The following ADCY8 variants were observed in gnomAD, a reference collection of about 807,000 sequenced individuals.
ADCY8 encodes the protein adenylate cyclase 8, also known as adenylate cyclase type 8.
Under a neutral mutation model 119.7 loss-of-function variants are expected in ADCY8, and 51 were observed. The ratio of observed to expected loss-of-function variants is 0.43; its 90% CI spans 0.34 to 0.54. The LOEUF (loss-of-function observed/expected upper bound fraction) is 0.54, where lower values mean the gene tolerates loss of function less well. ADCY8 is among the 20% of genes least tolerant of loss of function. The probability of loss-of-function intolerance (pLI) is 0.03; values close to 1 mark genes in which losing one functional copy is unlikely to be tolerated. For missense variants in ADCY8, 1,383 were observed against 1,598.8 expected, an observed-to-expected ratio of 0.87 and a Z score of 2.30; for synonymous variants, 665 against 651.0, an observed-to-expected ratio of 1.02 and a Z score of -0.33.
At chr8:130,918,465 GC>G (rs780872760) in intron 5 of ADCY8, among the ~76,000 whole-genome samples, 1 of 152,134 alleles carries the variant, frequency 6.6e-6, no homozygotes, top group Non-Finnish European at 1.5e-5. Context: ...ATAAAATTCA[GC>G]CCATAGCAGT....
intron 1 of ADCY8, among the ~76,000 whole-genome samples, chr8:131,019,797 TTCTCTCTCTCTCTCTC>T (rs61010907): frequency 9.5e-5 from 10 of 104,910 alleles, no homozygotes; most frequent in African/African-American, 1.9e-4. Context: ...ATGGAACAAA[TTCTCTCTCTCTCTCTC>T]TCTCTCTCTC....
chr8:130,954,261 T>C (rs1221617343), intron 2 of ADCY8, among the ~76,000 whole-genome samples: 5 of 152,036 alleles, frequency 3.3e-5, no homozygotes, highest in African/African-American at 7.2e-5. Context: ...GCACAGGAGA[T>C]AAAAAGGTGG....
chr8:130,990,776 T>C, intron 1 of ADCY8: 1 of 386,542 alleles, frequency 2.6e-6, no homozygotes, highest in Non-Finnish European at 4.5e-6. Flanking sequence ...TCCCCAGGTT[T>C]AGACTGGAGT....
At chr8:130,837,682 T>C (rs2130265657) in intron 11 of ADCY8, among the ~76,000 whole-genome samples, 1 of 152,310 alleles carries the variant, frequency 6.6e-6, no homozygotes, top group Admixed American at 6.5e-5. Flanking sequence ...TCATTCTGGA[T>C]GGTGGGTTCA....
At chr8:131,014,488 C>G (rs1206218587) in intron 1 of ADCY8, among the ~76,000 whole-genome samples, 4 of 152,056 alleles carry the variant, frequency 2.6e-5, no homozygotes, top group African/African-American at 9.7e-5. Flanking sequence ...GATTTAAATC[C>G]TAATTCTGCC....
At position 130,783,780 on chromosome 8, in the gene ADCY8, A is replaced by G; in HGVS notation, c.3179T>C (p.Leu1060Ser). 1 of 1,613,742 alleles carries G rather than the reference A, an allele frequency of 6.2e-7. No homozygotes were observed. The highest frequency in any genetic ancestry group is 8.5e-7 in the Non-Finnish European group (1 of 1,179,796). ...GAGTGAGAAGTCAGCCAGAGCACAC[A>G]AATGTCCCCACTTGTCTTCACATTG... ...KQQCEDKWGH[L>S]CALADFSLAL... The change falls in exon 17 of 18, where the codon TTG (leucine) becomes TCG (serine). Residue 1060 changes from leucine (L) to serine (S), a missense_variant. This residue lies in a region of ADCY8 where 928 missense variants were observed against 1,163.5 expected (regional missense o/e 0.80). Transcript: ENST00000286355.
At chr8:131,023,564 GA>G (rs1275112819) in intron 1 of ADCY8, among the ~76,000 whole-genome samples, 2 of 152,068 alleles carry the variant, frequency 1.3e-5, no homozygotes, top group African/African-American at 4.8e-5. Context: ...AGTCTAGTTT[GA>G]AAAAGGAGCT....
intron 1 of ADCY8, among the ~76,000 whole-genome samples, chr8:131,019,205 A>G (rs899142163): frequency 2.0e-5 from 3 of 152,244 alleles, no homozygotes; most frequent in African/African-American, 7.2e-5. Context: ...TAACTATATC[A>G]GGTCAACAAC....
At chr8:130,887,350 C>T (rs1276955753) in intron 7 of ADCY8, among the ~76,000 whole-genome samples, 6 of 152,108 alleles carry the variant, frequency 3.9e-5, no homozygotes, top group Non-Finnish European at 8.8e-5. Flanking sequence ...AATTTAGAGG[C>T]ATTCTTCTTT....
intron 2 of ADCY8, among the ~76,000 whole-genome samples, chr8:130,989,830 C>A (rs1171389101): frequency 6.6e-5 from 10 of 152,178 alleles, no homozygotes; most frequent in Admixed American, 6.5e-5. Flanking sequence ...TTTATCTTAA[C>A]CTCTCCAAAT....
At chr8:130,940,032 G>GA (rs1224159181) in intron 4 of ADCY8, among the ~76,000 whole-genome samples, 9 of 152,260 alleles carry the variant, frequency 5.9e-5, no homozygotes, top group African/African-American at 2.2e-4. Context: ...AAGCACTTTG[G>GA]CAAAAATCTA....
At chr8:130,968,151 A>G (rs1821817304) in intron 2 of ADCY8, among the ~76,000 whole-genome samples, 1 of 152,026 alleles carries the variant, frequency 6.6e-6, no homozygotes, top group South Asian at 2.1e-4. Flanking sequence ...AAATCATAAA[A>G]AAAATGACTA....
chr8:130,833,208 T>G (rs1490141102), intron 12 of ADCY8, among the ~76,000 whole-genome samples: 1 of 152,202 alleles, frequency 6.6e-6, no homozygotes, highest in Non-Finnish European at 1.5e-5. Context: ...ACACAGTACT[T>G]AAAAAGTGGA....
intron 15 of ADCY8, among the ~76,000 whole-genome samples, chr8:130,788,711 T>A (rs1467493932): frequency 6.6e-6 from 1 of 152,210 alleles, no homozygotes; most frequent in Non-Finnish European, 1.5e-5. Flanking sequence ...TTACATATTA[T>A]ATACATGTAT....
At chr8:131,006,630 A>G (rs906841755) in intron 1 of ADCY8, among the ~76,000 whole-genome samples, 9 of 152,166 alleles carry the variant, frequency 5.9e-5, no homozygotes, top group African/African-American at 1.9e-4. Context: ...TTACATTTTC[A>G]CAGTCACAAT....
chr8:130,985,433 A>G (rs1056859033), intron 2 of ADCY8, among the ~76,000 whole-genome samples: 10 of 152,354 alleles, frequency 6.6e-5, no homozygotes, highest in South Asian at 2.1e-4. Context: ...AAACTAAAGA[A>G]TAATGAATAT....
intron 4 of ADCY8, among the ~76,000 whole-genome samples, chr8:130,939,476 A>G (rs541406130): frequency 3.3e-5 from 5 of 152,120 alleles, no homozygotes; most frequent in Non-Finnish European, 7.3e-5. Context: ...TCGGGTTGGT[A>G]TGAGAGACTT....
intron 2 of ADCY8, among the ~76,000 whole-genome samples, chr8:130,967,168 C>A (rs1821787157): frequency 6.6e-6 from 1 of 152,074 alleles, no homozygotes; most frequent in South Asian, 2.1e-4. Context: ...TTCTAAAAGC[C>A]AATTGTGAGC....
At position 131,033,010 on chromosome 8, in the gene ADCY8, G is replaced by T. The variant is rs538065139; in HGVS notation, c.960+6364C>A. 3.0e-4 allele frequency among the ~76,000 whole-genome samples: 46 copies of T among 152,216 alleles called. No individual in the cohort carries two copies. The Middle Eastern group carries it at 0.014, about 45-fold the overall frequency. ...CTTCATGTTCTGTTACTTTAATTCT[G>T]CCCCAAAGAGAAAACCAAGAACACA... On this transcript the variant is annotated intron_variant, in intron 1 of 17. Transcript: ENST00000286355.
Sources: gnomAD v4.1 joint callset for allele counts (sites outside exome capture counted in the v4.1 genomes callset) on GRCh38, gnomAD v4.1.1 for gene constraint, gnomAD v4.1.1 regional missense constraint, MANE v1.5 for transcripts, NCBI Gene and HGNC (gene_info 2026-07-23, HGNC 2026-07-21) for gene names.